BEND4: variants seen among roughly 807,000 people sequenced by gnomAD.
The protein encoded by BEND4 is BEN domain containing 4.
BEND4 carries 27 observed loss-of-function variants against 54.7 expected under a neutral mutation model. The ratio of observed to expected loss-of-function variants is 0.49; its 90% CI spans 0.36 to 0.68. The LOEUF (loss-of-function observed/expected upper bound fraction) is 0.68, where lower values mean the gene tolerates loss of function less well. BEND4 is among the 30% of genes least tolerant of loss of function. BEND4 has a pLI of 0.00. For synonymous variants in BEND4, 327 were observed against 299.5 expected (o/e 1.09, Z -0.95); for missense variants, 702 against 697.2 (o/e 1.01, Z -0.08).
At chr4:42,136,908 G>C (rs1372835019) in intron 3 of BEND4, among the ~76,000 whole-genome samples, 1 of 152,202 alleles carries the variant, frequency 6.6e-6, no homozygotes, top group African/African-American at 2.4e-5. Context: ...GTTATATATT[G>C]ATCAGCTGAT....
At chr4:42,138,858 C>G (rs1157191212) in intron 3 of BEND4, among the ~76,000 whole-genome samples, 1 of 152,136 alleles carries the variant, frequency 6.6e-6, no homozygotes, top group East Asian at 1.9e-4. Context: ...GAGTTTTTCA[C>G]ATTTAGTATC....
intron 3 of BEND4, among the ~76,000 whole-genome samples, chr4:42,128,556 G>A (rs560576536): frequency 2.0e-5 from 3 of 151,610 alleles, no homozygotes; most frequent in Non-Finnish European, 4.4e-5. Flanking sequence ...CCCGGGAGGC[G>A]GAGCTTGCAG....
chr4:42,118,907 G>A (rs73812732), intron 5 of BEND4, among the ~76,000 whole-genome samples: 1,899 of 152,292 alleles, frequency 0.012, 47 homozygotes, highest in African/African-American at 0.044. Flanking sequence ...CAACTAATAG[G>A]AGGTGTGCTG....
intron 3 of BEND4, among the ~76,000 whole-genome samples, chr4:42,133,062 T>C (rs896058623): frequency 2.6e-5 from 4 of 152,142 alleles, no homozygotes; most frequent in African/African-American, 9.7e-5. Flanking sequence ...AGAAAGGAAA[T>C]AAGGAAGGTC....
At chr4:42,123,020 T>C (rs192274559) in intron 4 of BEND4, among the ~76,000 whole-genome samples, 41 of 152,276 alleles carry the variant, frequency 2.7e-4, no homozygotes, top group Non-Finnish European at 4.6e-4. Context: ...AAAAATCCAC[T>C]GAATGCAGCA....
intron 5 of BEND4, 63 bp downstream of exon 5, chr4:42,119,991 A>G (rs1719995699): frequency 3.8e-6 from 6 of 1,598,390 alleles, no homozygotes; most frequent in Non-Finnish European, 5.1e-6. Flanking sequence ...GTACGGGGAG[A>G]GCCACAGCCA....
intron 2 of BEND4, among the ~76,000 whole-genome samples, chr4:42,145,664 C>A (rs571427823): frequency 6.7e-6 from 1 of 150,186 alleles, no homozygotes; most frequent in African/African-American, 2.5e-5. Context: ...TGCACTCCAA[C>A]CTGGCGACAG....
At chr4:42,125,520 A>T in intron 4 of BEND4, 63 bp downstream of exon 4, 1 of 1,274,132 alleles carries the variant, frequency 7.8e-7, no homozygotes, top group Non-Finnish European at 1.1e-6. Context: ...ATACACTGAT[A>T]AGTTAATCAA....
intron 3 of BEND4, among the ~76,000 whole-genome samples, chr4:42,140,522 G>A (rs899913847): frequency 6.6e-6 from 1 of 152,214 alleles, no homozygotes; most frequent in Non-Finnish European, 1.5e-5. Flanking sequence ...TTCAACCAGT[G>A]TCAATTCAAT....
Position 42,152,226 on chromosome 4 carries a change from GC to G in BEND4, c.-84del. On this transcript the variant is annotated 5_prime_UTR_variant, in exon 2 of 6. Coordinates refer to ENST00000502486, the MANE Select transcript of BEND4 (RefSeq NM_207406.4). ...CCGAGGGTGCCTCCGCCGCCTGCCC[GC>G]CGGGTCTGCCCTGGTGCGCGCGTGT... The G allele has an allele frequency of 8.3e-7, 1 of 1,200,166 alleles. No individual in the cohort carries two copies. Among genetic ancestry groups the G allele is most frequent in the Non-Finnish European group, 1.0e-6 (1 of 957,556 alleles). 74.3% of individuals were successfully genotyped at this position (1,200,166 alleles called of 1,614,324 possible). A position where few individuals can be genotyped will look rare whatever the true frequency, so the allele number is the denominator to read the frequency against.
chr4:42,113,394 G>A lies in BEND4; in HGVS notation c.*4124C>T, dbSNP rs1719653069. 1 of 152,160 alleles carries A rather than the reference G, an allele frequency of 6.6e-6. No individual in the cohort carries two copies. The highest frequency in any genetic ancestry group is 1.5e-5 in the Non-Finnish European group (1 of 68,036). 9.4% of individuals were successfully genotyped at this position (152,160 alleles called of 1,614,324 possible). A position where few individuals can be genotyped will look rare whatever the true frequency, so the allele number is the denominator to read the frequency against. On this transcript the variant is annotated 3_prime_UTR_variant, in exon 6 of 6. Transcript: ENST00000502486. ...TTAGGTTCTAGAGCATAAATTGAAG[G>A]ATGGAATCTAAATGAGGACAATGGA... is the stretch of plus-strand genomic sequence containing the variant.
At position 42,111,639 on chromosome 4, in the gene BEND4, A is replaced by T. The variant is rs1719574715; in HGVS notation, c.*5879T>A. 1 of 152,236 alleles carries T rather than the reference A, an allele frequency of 6.6e-6. No homozygotes were observed. The highest frequency in any genetic ancestry group is 2.4e-5 in the African/African-American group (1 of 41,454). 9.4% of individuals were successfully genotyped at this position (152,236 alleles called of 1,614,324 possible). Reference sequence around the variant, plus strand: ...CAACAGATTACTGTATTTTCTTACAAAATTTTCACAACAGTTCTCACAGTG... The same window carrying T: ...CAACAGATTACTGTATTTTCTTACATAATTTTCACAACAGTTCTCACAGTG... On this transcript the variant is annotated 3_prime_UTR_variant, in exon 6 of 6. Transcript: ENST00000502486.
chr4:42,139,643 C>T (rs1433263016), intron 3 of BEND4, among the ~76,000 whole-genome samples: 1 of 151,868 alleles, frequency 6.6e-6, no homozygotes, highest in East Asian at 1.9e-4. Flanking sequence ...GACAAATGAC[C>T]GAGGAACGCT....
intron 3 of BEND4, among the ~76,000 whole-genome samples, chr4:42,126,006 G>A (rs1720266618): frequency 6.6e-6 from 1 of 152,082 alleles, no homozygotes; most frequent in African/African-American, 2.4e-5. Context: ...CTCCCAAAGT[G>A]CTGGGTTCAC....
At chr4:42,145,091 C>A (rs936559838) in intron 2 of BEND4, among the ~76,000 whole-genome samples, 1 of 152,156 alleles carries the variant, frequency 6.6e-6, no homozygotes, top group African/African-American at 2.4e-5. Context: ...GATAAAAATG[C>A]AACTAGCACT....
chr4:42,120,896 C>A (rs1720032807), intron 4 of BEND4, among the ~76,000 whole-genome samples: 1 of 152,038 alleles, frequency 6.6e-6, no homozygotes, highest in South Asian at 2.1e-4. Flanking sequence ...CTGCAAATGC[C>A]ACTATGTCAA....
At chr4:42,133,723 TGG>T (rs1720590030) in intron 3 of BEND4, among the ~76,000 whole-genome samples, 3 of 152,058 alleles carry the variant, frequency 2.0e-5, no homozygotes, top group Non-Finnish European at 4.4e-5. Context: ...GGTGTGGTGG[TGG>T]GCGCCTGTAG....
At chr4:42,152,474 G>C (rs972137371) in intron 1 of BEND4, 58 bp downstream of exon 1, 3 of 161,040 alleles carry the variant, frequency 1.9e-5, no homozygotes, top group African/African-American at 7.2e-5. Context: ...CGCCCGCGGG[G>C]TCTGCCTGGC....
intron 5 of BEND4, 35 bp from the exon 6 acceptor site, chr4:42,117,770 A>G (rs1322832020): frequency 1.4e-6 from 2 of 1,425,426 alleles, no homozygotes; most frequent in Non-Finnish European, 1.9e-6. Flanking sequence ...AAAGAGAGAG[A>G]GAAAAAAACA....
Sources: gnomAD v4.1 joint callset for allele counts (sites outside exome capture counted in the v4.1 genomes callset) on GRCh38, gnomAD v4.1.1 for gene constraint, MANE v1.5 for transcripts, NCBI Gene and HGNC (gene_info 2026-07-23, HGNC 2026-07-21) for gene names.